DENND5B: variants seen among roughly 807,000 people sequenced by gnomAD.
DENND5B encodes DENN domain containing 5B, also known as DENN domain-containing protein 5B.
Under a neutral mutation model 140.6 loss-of-function variants are expected in DENND5B, and 34 were observed. The observed-to-expected ratio is 0.24, with a 90% CI of 0.18 to 0.32. DENND5B has a LOEUF of 0.32. Ranked by LOEUF, DENND5B falls within the 10% of genes least tolerant of loss-of-function variation. DENND5B has a pLI of 1.00. For synonymous variants in DENND5B, 551 were observed against 562.1 expected (o/e 0.98, Z 0.28); for missense variants, 1,142 against 1,560.2 (o/e 0.73, Z 4.52).
intron 1 of DENND5B, among the ~76,000 whole-genome samples, chr12:31,553,628 C>G (rs566396266): frequency 6.6e-6 from 1 of 152,246 alleles, no homozygotes; most frequent in Admixed American, 6.5e-5. Context: ...TGTTAACTTT[C>G]TGTGTCATTG....
chr12:31,487,676 T>A (rs1190409386), intron 2 of DENND5B, among the ~76,000 whole-genome samples: 1 of 152,116 alleles, frequency 6.6e-6, no homozygotes, highest in Non-Finnish European at 1.5e-5. Flanking sequence ...CACTCCAGCC[T>A]AGAAGACAGA....
intron 1 of DENND5B, among the ~76,000 whole-genome samples, chr12:31,568,438 A>G (rs1043966453): frequency 6.6e-5 from 10 of 152,182 alleles, no homozygotes; most frequent in Non-Finnish European, 7.4e-5. Context: ...AACTAGCTAT[A>G]TAGTTTTCAT....
At position 31,442,796 on chromosome 12, in the gene DENND5B, G is replaced by A. The variant is rs1944093725; in HGVS notation, c.1991C>T (p.Ala664Val). The change falls in exon 7 of 21, where the codon GCA (alanine) becomes GTA (valine). Residue 664 changes from alanine to valine, a missense_variant. Physicochemically the swap from Ala to Val is moderately conservative, Grantham distance 64. This residue lies in a region of DENND5B where 708 missense variants were observed against 905.5 expected (regional missense o/e 0.78). Transcript: ENST00000389082. The part of the protein sequence containing the change: ...FFPKLQSDVL[A>V]TGPTSNNRWV... ...TTACTTGTTACTGGTTGGTCCTGTT[G>A]CCAAGACATCGGACTGTAACTTTGG... 1 of 1,613,572 alleles carries A rather than the reference G, an allele frequency of 6.2e-7. No individual in the cohort carries two copies. Among genetic ancestry groups the A allele is most frequent in the East Asian group, 2.2e-5 (1 of 44,870 alleles).
intron 3 of DENND5B, among the ~76,000 whole-genome samples, chr12:31,476,172 G>A: frequency 6.6e-6 from 1 of 150,534 alleles, no homozygotes; most frequent in Admixed American, 6.6e-5. Context: ...GTGTGATAAT[G>A]GAAGCTTTTG....
intron 3 of DENND5B, among the ~76,000 whole-genome samples, chr12:31,466,911 G>A (rs1945294808): frequency 6.6e-6 from 1 of 152,082 alleles, no homozygotes; most frequent in Non-Finnish European, 1.5e-5. Flanking sequence ...ACCAAAGACA[G>A]AAAATCTTAA....
intron 3 of DENND5B, among the ~76,000 whole-genome samples, chr12:31,470,110 G>A (rs1160251110): frequency 1.1e-5 from 1 of 95,196 alleles, no homozygotes; most frequent in East Asian, 3.7e-4. Context: ...ACCATGTCTG[G>A]CTTTTTTTTT....
rs767004156 is a variant in DENND5B, at chr12:31,416,538, A to T, written c.2471-1090T>A. On this transcript the variant is annotated intron_variant, in intron 11 of 20. Coordinates refer to ENST00000389082, the MANE Select transcript of DENND5B (RefSeq NM_144973.4). ...CTTGGCCTCCCAAAGTGCTGGGATTACAGGTGTTAGCCACCATGCCTGGCC... is the reference window on the plus strand; with the variant it reads ...CTTGGCCTCCCAAAGTGCTGGGATTTCAGGTGTTAGCCACCATGCCTGGCC... Among the ~76,000 whole-genome samples, 37 of 151,420 alleles carry T rather than the reference A, an allele frequency of 2.4e-4. 1 individual carries two copies. Among genetic ancestry groups the T allele is most frequent in the Admixed American group, 1.3e-4 (2 of 15,206 alleles).
chr12:31,551,002 T>C (rs1949040417), intron 1 of DENND5B, among the ~76,000 whole-genome samples: 1 of 152,052 alleles, frequency 6.6e-6, no homozygotes, highest in African/African-American at 2.4e-5. Context: ...TTTTCTCCCA[T>C]TTTGTAGGTT....
rs533640765 is a variant in DENND5B at position 31,440,117 on chromosome 12, T to TGC, written c.2012+2657_2012+2658insGC. Among the ~76,000 whole-genome samples the TGC allele has an allele frequency of 1.8e-4, 27 of 152,284 alleles. No homozygotes were observed. In the East Asian group the frequency reaches 2.7e-3, roughly 15 times the overall value. ...TCCACTTCTGAAAAATAGAATATTGTATCTAGTACCATTATCTGGAAAGTT... is the reference window on the plus strand; with the variant it reads ...TCCACTTCTGAAAAATAGAATATTGTGCATCTAGTACCATTATCTGGAAAGTT... On this transcript the variant is annotated intron_variant, in intron 7 of 20. Transcript: ENST00000389082.
chr12:31,519,063 T>C (rs1486520060), intron 1 of DENND5B, among the ~76,000 whole-genome samples: 1 of 152,156 alleles, frequency 6.6e-6, no homozygotes, highest in Non-Finnish European at 1.5e-5. Flanking sequence ...AGAGTAAAAG[T>C]GGGGCCTAGC....
chr12:31,435,333 A>G (rs1253209810), intron 7 of DENND5B, among the ~76,000 whole-genome samples: 9 of 151,906 alleles, frequency 5.9e-5, no homozygotes, highest in Admixed American at 5.9e-4. Context: ...TCTTTCTTCT[A>G]ATCTCAAAGT....
intron 1 of DENND5B, among the ~76,000 whole-genome samples, chr12:31,516,108 A>G (rs1461447362): frequency 1.3e-5 from 2 of 152,178 alleles, no homozygotes; most frequent in Non-Finnish European, 2.9e-5. Flanking sequence ...GATAATTACT[A>G]AAGTATGTCA....
Position 31,479,775 on chromosome 12 carries a change from G to C in DENND5B, c.718C>G (p.Pro240Ala). ...TAAAATTTCAGTGACCTCCCTGGAG[G>C]TGGAAGGGGTACTTCATAAAGAATA... Reference protein sequence around the residue: ...HNILYEVPLPPPGRSLKFYGV... With the variant: ...HNILYEVPLPAPGRSLKFYGV... The change falls in exon 3 of 21, where the codon CCT becomes GCT. Residue 240 changes from proline (P) to alanine (A), a missense_variant. By Grantham distance (27) the Pro-to-Ala change is conservative. Transcript: ENST00000389082. The C allele has an allele frequency of 6.2e-7, 1 of 1,610,200 alleles. No homozygotes were observed. The highest frequency in any genetic ancestry group is 8.5e-7 in the Non-Finnish European group (1 of 1,178,112).
At chr12:31,558,887 A>T (rs1949384370) in intron 1 of DENND5B, among the ~76,000 whole-genome samples, 3 of 152,210 alleles carry the variant, frequency 2.0e-5, no homozygotes, top group African/African-American at 2.4e-5. Flanking sequence ...ACACCATTTC[A>T]TCTCCTCTCT....
At chr12:31,561,942 TC>T (rs1267340259) in intron 1 of DENND5B, among the ~76,000 whole-genome samples, 3 of 152,366 alleles carry the variant, frequency 2.0e-5, no homozygotes, top group African/African-American at 7.2e-5. Flanking sequence ...GCAGTGAGCA[TC>T]TATTAAGTGC....
rs1454652828 is a variant in DENND5B at position 31,591,062 on chromosome 12, GGGCGCGGGGGGAGT to G, written c.-244_-231del. 1.3e-3 allele frequency: 262 copies of G among 199,382 alleles called. No individual in the cohort carries two copies. Among genetic ancestry groups the G allele is most frequent in the African/African-American group, 6.0e-3 (254 of 42,008 alleles). The allele number at this position is 199,382 out of a possible 1,614,324, so 12.4% of individuals were successfully genotyped here. A position where few individuals can be genotyped will look rare whatever the true frequency, so the allele number is the denominator to read the frequency against. ...TCCGGAGCCCGGCCGGGTGGGGGAG[GGGCGCGGGGGGAGT>G]GTCGGCCTGAGAGGCCCTCGCAGCC... is the stretch of plus-strand genomic sequence containing the variant. On this transcript the variant is annotated 5_prime_UTR_variant, in exon 1 of 21. Coordinates refer to ENST00000389082, the MANE Select transcript of DENND5B (RefSeq NM_144973.4).
chr12:31,526,141 A>G (rs918767465), intron 1 of DENND5B, among the ~76,000 whole-genome samples: 9 of 152,144 alleles, frequency 5.9e-5, no homozygotes, highest in Admixed American at 5.2e-4. Context: ...GTTATATATT[A>G]CCTATATTAG....
chr12:31,400,234 A>G (rs1469874220), intron 15 of DENND5B, among the ~76,000 whole-genome samples: 2 of 152,190 alleles, frequency 1.3e-5, no homozygotes, highest in African/African-American at 2.4e-5. Flanking sequence ...CTTTTTTAGA[A>G]AATTTTTTGT....
intron 2 of DENND5B, among the ~76,000 whole-genome samples, chr12:31,489,332 T>A (rs1234842785): frequency 6.6e-6 from 1 of 151,100 alleles, no homozygotes; most frequent in African/African-American, 2.4e-5. Flanking sequence ...TTGTCCCATG[T>A]TTTGCATTAG....
Sources: allele counts gnomAD v4.1 joint callset (sites outside exome capture counted in the v4.1 genomes callset), GRCh38; gene constraint gnomAD v4.1.1; regional missense constraint gnomAD v4.1.1; transcripts MANE v1.5; gene names NCBI Gene and HGNC (gene_info 2026-07-23, HGNC 2026-07-21).